The following SPATA17 variants were observed in gnomAD, a reference collection of about 807,000 sequenced individuals.
SPATA17 encodes the protein spermatogenesis-associated protein 17.
SPATA17 carries 53 observed loss-of-function variants against 62.2 expected under a neutral mutation model. The observed-to-expected ratio is 0.85, with a 90% CI of 0.68 to 1.07. SPATA17 has a LOEUF of 1.07. SPATA17 is among the 50% of genes least tolerant of loss of function. The pLI, the probability that SPATA17 is intolerant of heterozygous loss-of-function variation, is 0.00. For synonymous variants in SPATA17, 146 were observed against 146.8 expected (o/e 0.99, Z 0.04); for missense variants, 466 against 425.5 (o/e 1.10, Z -0.84).
chr1:217,727,955 T>C (rs1003226106), intron 5 of SPATA17, among the ~76,000 whole-genome samples: 1 of 152,172 alleles, frequency 6.6e-6, no homozygotes, highest in Non-Finnish European at 1.5e-5. Flanking sequence ...TGAGCTCTGT[T>C]TTGGGTTGAC....
Position 217,862,706 on chromosome 1 carries a change from T to C in SPATA17, c.1006-68T>C, listed in dbSNP as rs1675921269. On this transcript the variant is annotated intron_variant, in intron 9 of 10. Transcript: ENST00000366933. Reference sequence around the variant, plus strand: ...CTGTCTAGCAATTTAATCTAAATAATAACAATAATGGTAATAACATAAAAT... The same window carrying C: ...CTGTCTAGCAATTTAATCTAAATAACAACAATAATGGTAATAACATAAAAT... The C allele has an allele frequency of 2.7e-6, 3 of 1,129,114 alleles. No homozygotes were observed. In the Admixed American group the frequency reaches 6.3e-5, roughly 24 times the overall value. The allele number at this position is 1,129,114 out of a possible 1,614,324, so 69.9% of individuals were successfully genotyped here.
intron 5 of SPATA17, among the ~76,000 whole-genome samples, chr1:217,728,707 A>G (rs546217433): frequency 6.6e-6 from 1 of 152,324 alleles, no homozygotes; most frequent in East Asian, 1.9e-4. Context: ...GGTTCATTCA[A>G]TAAATAGGTA....
intron 1 of SPATA17, among the ~76,000 whole-genome samples, chr1:217,642,659 A>G (rs1670092069): frequency 6.6e-6 from 1 of 152,144 alleles, no homozygotes; most frequent in Non-Finnish European, 1.5e-5. Flanking sequence ...AAAGTGAGTG[A>G]GTCCTCACCA....
intron 5 of SPATA17, among the ~76,000 whole-genome samples, chr1:217,707,566 C>T (rs1296241814): frequency 6.6e-6 from 1 of 152,170 alleles, no homozygotes; most frequent in East Asian, 1.9e-4. Context: ...TGTGCATTTG[C>T]CTATGAAGAG....
At position 217,774,554 on chromosome 1, in the gene SPATA17, T is replaced by A. The variant is rs75977965; in HGVS notation, c.723+17T>A. 8.1e-6 allele frequency: 13 copies of A among 1,603,900 alleles called. No homozygotes were observed. In the African/African-American group the frequency reaches 1.3e-4, roughly 17 times the overall value. ...CAATGTCAGGTACTAGTTTGCTGTA[T>A]AAGAATTCTGTCATTAATTTTATTC... is the stretch of plus-strand genomic sequence containing the variant. On this transcript the variant is annotated intron_variant, in intron 7 of 10. Transcript: ENST00000366933.
intron 9 of SPATA17, among the ~76,000 whole-genome samples, chr1:217,824,718 C>T (rs1674946517): frequency 6.6e-6 from 1 of 150,442 alleles, no homozygotes; most frequent in South Asian, 2.1e-4. Context: ...TCTTGGAAAA[C>T]AAAGCTTAAT....
intron 9 of SPATA17, among the ~76,000 whole-genome samples, chr1:217,835,659 CCTT>C (rs1216537773): frequency 6.6e-6 from 1 of 152,052 alleles, no homozygotes; most frequent in Non-Finnish European, 1.5e-5. Flanking sequence ...TTATAATAGA[CCTT>C]CTCCAAAACT....
intron 5 of SPATA17, among the ~76,000 whole-genome samples, chr1:217,722,988 G>A (rs1180181617): frequency 6.6e-6 from 1 of 152,156 alleles, no homozygotes; most frequent in Non-Finnish European, 1.5e-5. Context: ...CAGAATGGCT[G>A]GGTCCATGGG....
At chr1:217,690,675 T>G in intron 5 of SPATA17, among the ~76,000 whole-genome samples, 1 of 107,358 alleles carries the variant, frequency 9.3e-6, no homozygotes. Flanking sequence ...GAGTGTGATA[T>G]TCCCCTTCCT....
At chr1:217,768,833 C>T (rs758783886) in intron 6 of SPATA17, among the ~76,000 whole-genome samples, 9 of 152,116 alleles carry the variant, frequency 5.9e-5, no homozygotes, top group Non-Finnish European at 1.3e-4. Flanking sequence ...ATTTTTTACA[C>T]AGAACGTATA....
At chr1:217,823,418 A>G (rs1364305875) in intron 9 of SPATA17, among the ~76,000 whole-genome samples, 3 of 151,948 alleles carry the variant, frequency 2.0e-5, no homozygotes, top group African/African-American at 4.8e-5. Context: ...CCAGTTTTAT[A>G]TAGGGCTCTC....
intron 5 of SPATA17, among the ~76,000 whole-genome samples, chr1:217,705,428 G>GTTTTT (rs1558573363): frequency 5.0e-5 from 3 of 59,604 alleles, no homozygotes; most frequent in Admixed American, 1.9e-4. Flanking sequence ...GATTCTAGTT[G>GTTTTT]TCTTTTTTTT....
chr1:217,684,397 A>T (rs1194123877), intron 5 of SPATA17, among the ~76,000 whole-genome samples: 1 of 152,098 alleles, frequency 6.6e-6, no homozygotes. Context: ...TACATATATC[A>T]TATATCATCT....
intron 4 of SPATA17, among the ~76,000 whole-genome samples, chr1:217,678,934 A>C (rs10779301): frequency 0.25 from 38,184 of 151,700 alleles, 5,261 homozygotes; most frequent in African/African-American, 0.36. Context: ...TTTTTGAAGT[A>C]GTAACCCGTT....
chr1:217,833,879 A>G (rs545928937), intron 9 of SPATA17, among the ~76,000 whole-genome samples: 2 of 152,188 alleles, frequency 1.3e-5, no homozygotes, highest in Admixed American at 1.3e-4. Context: ...CAATGCATTT[A>G]TCTCTAACAT....
chr1:217,772,901 G>A (rs1008892751), intron 6 of SPATA17, among the ~76,000 whole-genome samples: 5 of 152,314 alleles, frequency 3.3e-5, no homozygotes, highest in African/African-American at 1.2e-4. Flanking sequence ...TTTGGTATAG[G>A]ACACTGCGTT....
chr1:217,647,427 T>C (rs1670208720), intron 1 of SPATA17, among the ~76,000 whole-genome samples: 1 of 152,190 alleles, frequency 6.6e-6, no homozygotes, highest in African/African-American at 2.4e-5. Context: ...AAGTTGAGTG[T>C]TAGGAGTAAT....
In SPATA17 at chr1:217,715,601, A is replaced by G. The variant is rs955260841; in HGVS notation, c.396-26374A>G. On this transcript the variant is annotated intron_variant, in intron 5 of 10. Coordinates refer to ENST00000366933, the MANE Select transcript of SPATA17 (RefSeq NM_138796.4). ...AGGCAGCTCTGTCATATTGGCATCAACTGGGCTGTGTGCTTAGTTTCCTTG... is the reference window on the plus strand; with the variant it reads ...AGGCAGCTCTGTCATATTGGCATCAGCTGGGCTGTGTGCTTAGTTTCCTTG... Among the ~76,000 whole-genome samples, 5 of 151,954 alleles carry G rather than the reference A, an allele frequency of 3.3e-5. No individual in the cohort carries two copies. The East Asian group carries it at 7.7e-4, about 23-fold the overall frequency.
chr1:217,754,596 G>T (rs1324308126), intron 6 of SPATA17, among the ~76,000 whole-genome samples: 3 of 152,108 alleles, frequency 2.0e-5, no homozygotes, highest in South Asian at 2.1e-4. Context: ...AGTTTGTAAG[G>T]TTTGTCAGGT....
Sources: allele counts gnomAD v4.1 joint callset (sites outside exome capture counted in the v4.1 genomes callset), GRCh38; gene constraint gnomAD v4.1.1; transcripts MANE v1.5; gene names NCBI Gene and HGNC (gene_info 2026-07-23, HGNC 2026-07-21).